Variants in PHACTR1 observed in about 807,000 individuals in gnomAD.
PHACTR1 encodes the protein phosphatase and actin regulator 1, also known as RPEL repeat containing 1.
PHACTR1 carries 16 observed loss-of-function variants against 69.2 expected under a neutral mutation model. The observed-to-expected ratio is 0.23, with a 90% confidence interval of 0.16 to 0.35. The LOEUF (loss-of-function observed/expected upper bound fraction) is 0.35, where lower values mean the gene tolerates loss of function less well. PHACTR1 is among the 10% of genes least tolerant of loss of function. The pLI is 1.00. For missense variants in PHACTR1, 510 were observed against 734.7 expected, an observed-to-expected ratio of 0.69 and a Z score of 3.54; for synonymous variants, 312 against 284.5, an observed-to-expected ratio of 1.10 and a Z score of -0.97.
chr6:12,808,602 G>A (rs1397747900), intron 4 of PHACTR1, among the ~76,000 whole-genome samples: 2 of 152,126 alleles, frequency 1.3e-5, no homozygotes, highest in Non-Finnish European at 2.9e-5. Flanking sequence ...GTTTTCATGA[G>A]ATAAGATGAA....
intron 4 of PHACTR1, among the ~76,000 whole-genome samples, chr6:12,782,689 G>A (rs753453351): frequency 6.6e-6 from 1 of 152,102 alleles, no homozygotes; most frequent in Non-Finnish European, 1.5e-5. Flanking sequence ...AGATAGAGCT[G>A]GATAATGGCC....
intron 5 of PHACTR1, among the ~76,000 whole-genome samples, chr6:13,159,310 C>A (rs75234479): frequency 0.013 from 1,959 of 152,274 alleles, 45 homozygotes; most frequent in East Asian, 0.11. Flanking sequence ...TGGAAGCCAC[C>A]CCTACCTTTA....
chr6:12,981,825 T>A (rs1010551887), intron 4 of PHACTR1, among the ~76,000 whole-genome samples: 1 of 152,178 alleles, frequency 6.6e-6, no homozygotes, highest in South Asian at 2.1e-4. Context: ...GGCATATATA[T>A]TTTTATATGT....
intron 4 of PHACTR1, among the ~76,000 whole-genome samples, chr6:13,013,045 TTTTTG>T (rs952751544): frequency 1.1e-4 from 17 of 152,052 alleles, no homozygotes; most frequent in African/African-American, 3.4e-4. Context: ...TAAAAACAAT[TTTTTG>T]TTTTGTTTTG....
At chr6:12,842,736 G>A (rs1778823015) in intron 4 of PHACTR1, among the ~76,000 whole-genome samples, 1 of 151,952 alleles carries the variant, frequency 6.6e-6, no homozygotes, top group African/African-American at 2.4e-5. Flanking sequence ...GTTAGAGACA[G>A]GGTCTCACTC....
At chr6:12,749,406 A>C in intron 3 of PHACTR1, 13 of 563,398 alleles carry the variant, frequency 2.3e-5, no homozygotes, top group East Asian at 4.1e-5. Flanking sequence ...TCTCTGCTCC[A>C]GTCCACAGAT....
At chr6:12,978,190 T>C (rs1207206289) in intron 4 of PHACTR1, among the ~76,000 whole-genome samples, 1 of 152,150 alleles carries the variant, frequency 6.6e-6, no homozygotes, top group Non-Finnish European at 1.5e-5. Flanking sequence ...ACTCTACTCC[T>C]CCATCTCCCA....
At chr6:13,139,212 A>G (rs1822031351) in intron 5 of PHACTR1, among the ~76,000 whole-genome samples, 2 of 151,778 alleles carry the variant, frequency 1.3e-5, no homozygotes, top group African/African-American at 4.8e-5. Flanking sequence ...CTTCTACAAC[A>G]GGGGTTAACA....
At chr6:12,936,955 A>T (rs1246808090) in intron 4 of PHACTR1, among the ~76,000 whole-genome samples, 1 of 152,142 alleles carries the variant, frequency 6.6e-6, no homozygotes, top group Non-Finnish European at 1.5e-5. Flanking sequence ...TCTGAGGATG[A>T]GTCACATCAG....
intron 4 of PHACTR1, among the ~76,000 whole-genome samples, chr6:12,974,373 A>G (rs1052908902): frequency 2.6e-5 from 4 of 152,164 alleles, no homozygotes; most frequent in African/African-American, 9.7e-5. Flanking sequence ...TACACTCAGC[A>G]TATCACCATG....
At chr6:12,880,782 G>A (rs1288477445) in intron 4 of PHACTR1, among the ~76,000 whole-genome samples, 1 of 152,182 alleles carries the variant, frequency 6.6e-6, no homozygotes, top group Non-Finnish European at 1.5e-5. Flanking sequence ...CAGGTATGGA[G>A]GTCAGCATGA....
intron 4 of PHACTR1, among the ~76,000 whole-genome samples, chr6:12,780,242 C>A (rs1260388729): frequency 7.9e-6 from 1 of 126,032 alleles, no homozygotes. Context: ...ATATATATAT[C>A]TTTTCTCTGT....
rs1293594433 is a variant in PHACTR1, at chr6:13,086,776, C to T, written c.415+33247C>T. ...ATTATGTACATACATGTTTTTATTT[C>T]ACCTAGGTAAATAACTAAGAGTAAG... On this transcript the variant is annotated intron_variant, in intron 5 of 14. Transcript: ENST00000332995. Among the ~76,000 whole-genome samples the T allele has an allele frequency of 2.0e-5, 3 of 152,002 alleles. No homozygotes were observed. The East Asian group carries it at 5.8e-4, about 29-fold the overall frequency.
chr6:12,851,981 C>A (rs1326694665), intron 4 of PHACTR1, among the ~76,000 whole-genome samples: 1 of 152,010 alleles, frequency 6.6e-6, no homozygotes, highest in African/African-American at 2.4e-5. Flanking sequence ...ATTACAGGTA[C>A]GCGCCACCAC....
chr6:13,231,005 GAGAGAGAGAGAAGGAAAGAAAGAA>G (rs1454478970), intron 10 of PHACTR1, among the ~76,000 whole-genome samples: 5 of 148,178 alleles, frequency 3.4e-5, no homozygotes, highest in Non-Finnish European at 7.4e-5. Context: ...GACAGAGAGA[GAGAGAGAGAGAAGGAAAGAAAGAA>G]AGAGAGAGAG....
chr6:12,992,815 G>A (rs1796969468), intron 4 of PHACTR1, among the ~76,000 whole-genome samples: 1 of 152,216 alleles, frequency 6.6e-6, no homozygotes, highest in Non-Finnish European at 1.5e-5. Flanking sequence ...GGGTGGGGCA[G>A]GGGTTTATAG....
At position 13,246,761 on chromosome 6, in the gene PHACTR1, A is replaced by G. The variant is rs1773632971; in HGVS notation, c.1391+16568A>G. 6.6e-6 allele frequency among the ~76,000 whole-genome samples: 1 copy of G among 152,258 alleles called. No individual in the cohort carries two copies. Among genetic ancestry groups the G allele is most frequent in the South Asian group, 2.1e-4 (1 of 4,838 alleles). On this transcript the variant is annotated intron_variant, in intron 10 of 14. Coordinates refer to ENST00000332995, the MANE Select transcript of PHACTR1 (RefSeq NM_030948.6). This position sits in a 1 kb window ranked among gnomAD's most constrained non-coding sequence, Gnocchi z 4.2. ...AATATTTAAAGAGCAGAACGAGATTACAACTGAGAAATTTGCAGTACAGTT... is the reference window on the plus strand; with the variant it reads ...AATATTTAAAGAGCAGAACGAGATTGCAACTGAGAAATTTGCAGTACAGTT...
intron 4 of PHACTR1, among the ~76,000 whole-genome samples, chr6:12,881,872 C>A (rs1016495720): frequency 4.6e-5 from 7 of 152,094 alleles, no homozygotes; most frequent in African/African-American, 1.7e-4. Context: ...CAGGATCCAA[C>A]CCCTTGGAAA....
intron 4 of PHACTR1, among the ~76,000 whole-genome samples, chr6:12,858,620 C>T (rs1381239842): frequency 6.6e-6 from 1 of 151,836 alleles, no homozygotes; most frequent in African/African-American, 2.4e-5. Flanking sequence ...TAGTGAGACC[C>T]CCATCTCTAC....
Sources: allele counts gnomAD v4.1 joint callset (sites outside exome capture counted in the v4.1 genomes callset), GRCh38; gene constraint gnomAD v4.1.1; non-coding constraint Gnocchi (gnomAD v3.1); transcripts MANE v1.5; gene names NCBI Gene and HGNC (gene_info 2026-07-23, HGNC 2026-07-21).